Variants in ELAPOR2 observed in about 807,000 individuals in gnomAD.
ELAPOR2 encodes endosome/lysosome-associated apoptosis and autophagy regulator family member 2.
Under a neutral mutation model 120.7 loss-of-function variants are expected in ELAPOR2, and 89 were observed. The observed-to-expected ratio is 0.74, with a 90% CI of 0.62 to 0.88. ELAPOR2 has a LOEUF of 0.88. Ranked by LOEUF, ELAPOR2 falls within the 40% of genes least tolerant of loss-of-function variation. The pLI, the probability that ELAPOR2 is intolerant of heterozygous loss-of-function variation, is 0.00. For synonymous variants in ELAPOR2, 444 were observed against 444.9 expected (o/e 1.00, Z 0.03); for missense variants, 1,134 against 1,251.6 (o/e 0.91, Z 1.42).
At chr7:86,886,340 C>T (rs1410381745) in intron 21 of ELAPOR2, among the ~76,000 whole-genome samples, 1 of 152,072 alleles carries the variant, frequency 6.6e-6, no homozygotes, top group Non-Finnish European at 1.5e-5. Context: ...TTGAATTGGA[C>T]CCAAACTAAC....
intron 2 of ELAPOR2, among the ~76,000 whole-genome samples, chr7:86,949,467 G>A (rs1791143722): frequency 6.6e-6 from 1 of 152,208 alleles, no homozygotes; most frequent in African/African-American, 2.4e-5. Flanking sequence ...GGAGGAGGCA[G>A]AGCCCCGTCC....
chr7:87,043,706 C>G (rs1467669338), intron 1 of ELAPOR2, among the ~76,000 whole-genome samples: 1 of 149,568 alleles, frequency 6.7e-6, no homozygotes, highest in African/African-American at 2.5e-5. Flanking sequence ...TGGCACAAGA[C>G]AGGGATGCCC....
intron 21 of ELAPOR2, 57 bp from the exon 22 acceptor site, chr7:86,880,587 G>C: frequency 1.9e-6 from 2 of 1,060,632 alleles, no homozygotes; most frequent in South Asian, 1.3e-5. Context: ...AAGATTTTAG[G>C]ATCTTACATG....
At chr7:86,893,240 T>G (rs1295875030) in intron 19 of ELAPOR2, 140 bp from the exon 20 acceptor site, 2 of 589,432 alleles carry the variant, frequency 3.4e-6, no homozygotes, top group South Asian at 5.3e-5. Flanking sequence ...ACAGTAGGCA[T>G]AGAGGATTAT....
At chr7:86,921,170 C>T (rs939412733) in intron 10 of ELAPOR2, among the ~76,000 whole-genome samples, 1 of 152,082 alleles carries the variant, frequency 6.6e-6, no homozygotes, top group Admixed American at 6.6e-5. Context: ...TGTTGTTATG[C>T]ATTGACTATG....
chr7:86,953,867 C>T (rs903947038), intron 2 of ELAPOR2, among the ~76,000 whole-genome samples: 1 of 152,170 alleles, frequency 6.6e-6, no homozygotes, highest in Non-Finnish European at 1.5e-5. Context: ...TTTACCTAAG[C>T]ACCCAGTGAA....
chr7:87,048,180 G>A (rs1032537723), intron 1 of ELAPOR2, among the ~76,000 whole-genome samples: 22 of 151,740 alleles, frequency 1.4e-4, no homozygotes, highest in African/African-American at 5.3e-4. Flanking sequence ...GGAGGCGGAG[G>A]TTGCAGTGAG....
At chr7:86,905,308 T>C (rs542032575) in intron 18 of ELAPOR2, among the ~76,000 whole-genome samples, 1 of 149,828 alleles carries the variant, frequency 6.7e-6, no homozygotes, top group East Asian at 2.0e-4. Flanking sequence ...AAATATTTAT[T>C]CAACCTCACT....
At chr7:86,924,082 G>A (rs1789949537) in intron 10 of ELAPOR2, among the ~76,000 whole-genome samples, 2 of 151,960 alleles carry the variant, frequency 1.3e-5, no homozygotes, top group Admixed American at 1.3e-4. Context: ...TGTGAGTGCT[G>A]CTCCTCACAA....
chr7:87,049,150 A>C (rs1378999290), intron 1 of ELAPOR2, among the ~76,000 whole-genome samples: 1 of 152,262 alleles, frequency 6.6e-6, no homozygotes, highest in Non-Finnish European at 1.5e-5. Context: ...CTTACAATTT[A>C]TTGAGGGAAT....
rs997473609 is a variant in ELAPOR2, at chr7:86,907,828, A to T, written c.2457-57T>A. 2.2e-5 allele frequency: 20 copies of T among 918,806 alleles called. No homozygotes were observed. In the African/African-American group the frequency reaches 3.2e-4, roughly 15 times the overall value. 56.9% of individuals were successfully genotyped at this position (918,806 alleles called of 1,614,324 possible). On this transcript the variant is annotated intron_variant, in intron 17 of 21. Coordinates refer to ENST00000450689, the MANE Select transcript of ELAPOR2 (RefSeq NM_001142749.3). ...CAGATATAATACAGATTACAAAGAC[A>T]AAAATATGGGAATAATTGCTCTCAG...
intron 9 of ELAPOR2, 101 bp from the exon 10 acceptor site, chr7:86,925,757 G>A: frequency 1.9e-5 from 21 of 1,091,286 alleles, no homozygotes; most frequent in Middle Eastern, 2.1e-4. Flanking sequence ...AGCAGGGAGA[G>A]AAGTGGAAAA....
chr7:86,996,999 G>A (rs1793145716), intron 1 of ELAPOR2, among the ~76,000 whole-genome samples: 1 of 152,132 alleles, frequency 6.6e-6, no homozygotes, highest in East Asian at 1.9e-4. Context: ...TTTACCTGTA[G>A]GCAGTGTTTA....
At chr7:86,960,444 G>A (rs1791659502) in intron 2 of ELAPOR2, among the ~76,000 whole-genome samples, 1 of 152,008 alleles carries the variant, frequency 6.6e-6, no homozygotes, top group Non-Finnish European at 1.5e-5. Flanking sequence ...GTAGAGACGG[G>A]GTTTCACTAT....
At chr7:86,905,712 T>C (rs982170079) in intron 18 of ELAPOR2, among the ~76,000 whole-genome samples, 1 of 152,204 alleles carries the variant, frequency 6.6e-6, no homozygotes, top group Non-Finnish European at 1.5e-5. Context: ...AATTGCCTTG[T>C]GGTTTTTAAA....
chr7:86,890,126 C>T (rs1211827072), intron 21 of ELAPOR2, among the ~76,000 whole-genome samples: 1 of 151,832 alleles, frequency 6.6e-6, no homozygotes, highest in African/African-American at 2.4e-5. Flanking sequence ...CATCAGAAAC[C>T]AACATGGTAT....
In ELAPOR2 at chr7:86,892,960, C is replaced by A; in HGVS notation, c.2826G>T (p.Leu942=). The A allele has an allele frequency of 6.4e-7, 1 of 1,572,650 alleles. No homozygotes were observed. Among genetic ancestry groups the A allele is most frequent in the Non-Finnish European group, 8.6e-7 (1 of 1,166,718 alleles). The change falls in exon 20 of 22, where the codon CTG becomes CTT. Residue 942 remains leucine (L), a synonymous_variant. Transcript: ENST00000450689. ...AGVGAFTAVL[L]VALTCYFWKK... The stretch of plus-strand genomic sequence containing the variant: ...TCCAGAAGTAGCAGGTCAGAGCCAC[C>A]AGCAAAACGGCAGTAAAAGCTCCCA...
chr7:87,008,771 G>A (rs1793564106), intron 1 of ELAPOR2, among the ~76,000 whole-genome samples: 1 of 152,192 alleles, frequency 6.6e-6, no homozygotes, highest in Non-Finnish European at 1.5e-5. Flanking sequence ...TTCAAACAAT[G>A]AGACAGAGAG....
intron 1 of ELAPOR2, among the ~76,000 whole-genome samples, chr7:87,042,272 C>T (rs552595992): frequency 7.3e-5 from 11 of 151,074 alleles, no homozygotes; most frequent in African/African-American, 2.4e-4. Flanking sequence ...TAATAGACAT[C>T]TACAGAACTC....
Sources: gnomAD v4.1 joint callset for allele counts (sites outside exome capture counted in the v4.1 genomes callset) on GRCh38, gnomAD v4.1.1 for gene constraint, MANE v1.5 for transcripts, NCBI Gene and HGNC (gene_info 2026-07-23, HGNC 2026-07-21) for gene names.